Variants in BAZ1A observed in about 807,000 individuals in gnomAD.
BAZ1A encodes the protein bromodomain adjacent to zinc finger domain 1A, also known as bromodomain adjacent to zinc finger domain protein 1A.
A neutral mutation model predicts 185.2 loss-of-function variants in BAZ1A; 50 were observed. The observed-to-expected ratio is 0.27, with a 90% CI of 0.22 to 0.34. BAZ1A has a LOEUF of 0.34. Ranked by LOEUF, BAZ1A falls within the 10% of genes least tolerant of loss-of-function variation. The probability of loss-of-function intolerance (pLI) is 1.00; values close to 1 mark genes in which losing one functional copy is unlikely to be tolerated. For missense variants in BAZ1A, 1,356 were observed against 1,839.9 expected (o/e 0.74, Z 4.81); for synonymous variants, 571 against 615.6 (o/e 0.93, Z 1.07).
chr14:34,846,278 C>T (rs990412782), intron 3 of BAZ1A, among the ~76,000 whole-genome samples: 2 of 152,156 alleles, frequency 1.3e-5, no homozygotes, highest in Non-Finnish European at 2.9e-5. Context: ...ATAAGATCTC[C>T]ACAGTAATGA....
intron 6 of BAZ1A, among the ~76,000 whole-genome samples, chr14:34,806,166 C>T (rs1232836595): frequency 2.0e-5 from 3 of 152,118 alleles, no homozygotes; most frequent in East Asian, 1.9e-4. Flanking sequence ...GTTAACTTTT[C>T]GCATAAACTC....
chr14:34,770,264 C>T (rs1594819167), intron 21 of BAZ1A, among the ~76,000 whole-genome samples: 3 of 152,214 alleles, frequency 2.0e-5, no homozygotes, highest in African/African-American at 7.2e-5. Flanking sequence ...AGCGATTCTC[C>T]TGCCTCAGCC....
chr14:34,803,063 T>C (rs1881655073), intron 6 of BAZ1A, 75 bp from the exon 7 acceptor site: 2 of 1,396,842 alleles, frequency 1.4e-6, no homozygotes, highest in South Asian at 1.2e-5. Flanking sequence ...TAACATGTCA[T>C]ATGGCCACTA....
At chr14:34,781,141 G>T (rs553220312) in intron 16 of BAZ1A, among the ~76,000 whole-genome samples, 1 of 152,268 alleles carries the variant, frequency 6.6e-6, no homozygotes, top group Admixed American at 6.5e-5. Flanking sequence ...TCCACAGTTG[G>T]GTTTTGCAAG....
chr14:34,807,466 T>C lies in BAZ1A; in HGVS notation c.711A>G (p.Gly237=). Residue 237 remains glycine (G), a synonymous_variant, in exon 6 of 27, where the codon GGA becomes GGG. Transcript: ENST00000360310. ...ATTTGATTACCTTTATTTTAATGAC[T>C]CCATCTTGTGGTTCACAGTGTTGCT... ...FLKQHCEPQD[G]VIKIKASSLS... 1 of 1,608,184 alleles carries C rather than the reference T, an allele frequency of 6.2e-7. No individual in the cohort carries two copies. Among genetic ancestry groups the C allele is most frequent in the African/African-American group, 1.3e-5 (1 of 74,826 alleles).
chr14:34,838,804 C>T (rs1486365927), intron 3 of BAZ1A, among the ~76,000 whole-genome samples: 2 of 152,094 alleles, frequency 1.3e-5, no homozygotes, highest in Non-Finnish European at 2.9e-5. Flanking sequence ...GGATTACAGG[C>T]ATGAGCCACC....
chr14:34,858,489 A>G (rs952418230), intron 3 of BAZ1A, among the ~76,000 whole-genome samples: 2 of 152,068 alleles, frequency 1.3e-5, no homozygotes, highest in Non-Finnish European at 2.9e-5. Flanking sequence ...TAATTTTTGT[A>G]TTTTTTGTAG....
intron 3 of BAZ1A, among the ~76,000 whole-genome samples, chr14:34,849,743 G>A (rs139446458): frequency 3.3e-5 from 5 of 152,130 alleles, no homozygotes; most frequent in East Asian, 1.9e-4. Context: ...ATACCAACCC[G>A]CCAGTAGAGT....
In BAZ1A at chr14:34,754,808, A is replaced by G; in HGVS notation, c.4474+19T>C. 6.6e-7 allele frequency: 1 copy of G among 1,504,578 alleles called. No individual in the cohort carries two copies. Among genetic ancestry groups the G allele is most frequent in the Non-Finnish European group, 9.1e-7 (1 of 1,103,298 alleles). The allele number at this position is 1,504,578 out of a possible 1,614,324, so 93.2% of individuals were successfully genotyped here. A position where few individuals can be genotyped will look rare whatever the true frequency, so the allele number is the denominator to read the frequency against. Reference sequence around the variant, plus strand: ...TGCCTTAGAAAAATAAATATCAAAGAAAAACATAAATTACTTACATGCTAA... The same window carrying G: ...TGCCTTAGAAAAATAAATATCAAAGGAAAACATAAATTACTTACATGCTAA... On this transcript the variant is annotated intron_variant, in intron 26 of 26. Coordinates refer to ENST00000360310, the MANE Select transcript of BAZ1A (RefSeq NM_013448.3).
intron 4 of BAZ1A, among the ~76,000 whole-genome samples, chr14:34,814,190 T>G (rs2041972312): frequency 6.6e-6 from 1 of 151,968 alleles, no homozygotes; most frequent in Non-Finnish European, 1.5e-5. Context: ...ACTACCATTT[T>G]ATAAGAGCTT....
At chr14:34,830,610 T>C (rs1369965985) in intron 3 of BAZ1A, among the ~76,000 whole-genome samples, 3 of 152,012 alleles carry the variant, frequency 2.0e-5, no homozygotes, top group Non-Finnish European at 2.9e-5. Context: ...GAAAATGTTA[T>C]AAAATTAAAA....
chr14:34,761,105 CA>C (rs1246752197), intron 24 of BAZ1A, among the ~76,000 whole-genome samples: 1 of 151,642 alleles, frequency 6.6e-6, no homozygotes, highest in Non-Finnish European at 1.5e-5. Context: ...ATGGTGAAAC[CA>C]GCCGTCTCTA....
rs10145745 is a variant in BAZ1A at position 34,803,073 on chromosome 14, A to G, written c.727-85T>C. The G allele has an allele frequency of 4.3e-4, 589 of 1,354,400 alleles. 3 individuals carry two copies. The African/African-American group carries it at 8.0e-3, about 18-fold the overall frequency. 83.9% of individuals were successfully genotyped at this position (1,354,400 alleles called of 1,614,324 possible). A position where few individuals can be genotyped will look rare whatever the true frequency, so the allele number is the denominator to read the frequency against. On this transcript the variant is annotated intron_variant, in intron 6 of 26. Coordinates refer to ENST00000360310, the MANE Select transcript of BAZ1A (RefSeq NM_013448.3). ...TGCCCTAACATGTCATATGGCCACT[A>G]TTAATGCTGTTAAAAGATCAGGATA...
chr14:34,871,875 A>AAAG (rs2042954045), intron 2 of BAZ1A, among the ~76,000 whole-genome samples: 2 of 152,150 alleles, frequency 1.3e-5, no homozygotes, highest in African/African-American at 4.8e-5. Context: ...CGTCTCAAAA[A>AAAG]AAGAGCAGCC....
intron 12 of BAZ1A, among the ~76,000 whole-genome samples, chr14:34,790,991 G>C (rs368543730): frequency 6.6e-6 from 1 of 151,974 alleles, no homozygotes; most frequent in Admixed American, 6.6e-5. Context: ...GCATGGTGGC[G>C]CATACCTGTA....
intron 21 of BAZ1A, among the ~76,000 whole-genome samples, chr14:34,767,915 G>A (rs980539434): frequency 1.3e-5 from 2 of 152,144 alleles, no homozygotes; most frequent in African/African-American, 4.8e-5. Flanking sequence ...GATTAATGGG[G>A]TGGTTTAAGA....
chr14:34,767,395 C>T (rs1878921336), intron 21 of BAZ1A, among the ~76,000 whole-genome samples: 1 of 152,060 alleles, frequency 6.6e-6, no homozygotes, highest in Admixed American at 6.6e-5. Flanking sequence ...ACTAAAAATA[C>T]AAAAACTAGC....
intron 24 of BAZ1A, 139 bp downstream of exon 24, chr14:34,761,618 G>A: frequency 1.4e-6 from 1 of 692,346 alleles, no homozygotes; most frequent in Non-Finnish European, 2.4e-6. Context: ...TGACTATTAT[G>A]CTTCAGGTCA....
intron 25 of BAZ1A, 191 bp downstream of exon 25, chr14:34,758,513 G>A: frequency 2.1e-6 from 1 of 486,166 alleles, no homozygotes; most frequent in Non-Finnish European, 3.6e-6. Context: ...CTGGGAGGCA[G>A]AGCTTGCAGT....
Sources: gnomAD v4.1 joint callset for allele counts (sites outside exome capture counted in the v4.1 genomes callset) on GRCh38, gnomAD v4.1.1 for gene constraint, MANE v1.5 for transcripts, NCBI Gene and HGNC (gene_info 2026-07-23, HGNC 2026-07-21) for gene names.